The following SLC24A3 variants were observed in gnomAD, a reference collection of about 807,000 sequenced individuals.
SLC24A3 encodes solute carrier family 24 member 3.
SLC24A3 carries 28 observed loss-of-function variants against 75.8 expected under a neutral mutation model. That is an observed-to-expected ratio of 0.37 (90% CI 0.27 to 0.51). SLC24A3 has a LOEUF of 0.51. SLC24A3 is among the 20% of genes least tolerant of loss of function. The pLI is 0.94. For synonymous variants in SLC24A3, 372 were observed against 334.1 expected (o/e 1.11, Z -1.24); for missense variants, 663 against 847.8 (o/e 0.78, Z 2.71).
At chr20:19,669,726 G>C (rs550439478) in intron 8 of SLC24A3, among the ~76,000 whole-genome samples, 11 of 152,142 alleles carry the variant, frequency 7.2e-5, no homozygotes, top group Admixed American at 4.6e-4. Flanking sequence ...ATTGCAACCT[G>C]GAAACTCTTC....
At position 19,433,113 on chromosome 20, in the gene SLC24A3, A is replaced by T. The variant is rs146896567; in HGVS notation, c.272-82375A>T. The stretch of plus-strand genomic sequence containing the variant: ...GCTCTCTCTCTAGGAAGTTCTCCTC[A>T]CTCAGGATTTAATGGAACATGCCCT... On this transcript the variant is annotated intron_variant, in intron 2 of 16. Transcript: ENST00000328041. 5.1e-4 allele frequency among the ~76,000 whole-genome samples: 78 copies of T among 152,300 alleles called. 2 individuals carry two copies. The highest frequency in any genetic ancestry group is 1.8e-3 in the African/African-American group (73 of 41,560).
At chr20:19,565,656 G>A (rs76901569) in intron 3 of SLC24A3, among the ~76,000 whole-genome samples, 4,991 of 152,068 alleles carry the variant, frequency 0.033, 132 homozygotes, top group South Asian at 0.09. Flanking sequence ...CCAAGACCTC[G>A]GAGCCTTTTT....
At chr20:19,440,183 C>A (rs1242372737) in intron 2 of SLC24A3, among the ~76,000 whole-genome samples, 1 of 152,174 alleles carries the variant, frequency 6.6e-6, no homozygotes, top group African/African-American at 2.4e-5. Context: ...TCAGAGATAT[C>A]CAATGTAAAT....
At chr20:19,572,095 A>G (rs1031403623) in intron 3 of SLC24A3, among the ~76,000 whole-genome samples, 1 of 152,196 alleles carries the variant, frequency 6.6e-6, no homozygotes, top group African/African-American at 2.4e-5. Context: ...CCAGCAACTC[A>G]GAAGGCTGAG....
chr20:19,543,801 C>A (rs1342394867), intron 3 of SLC24A3, among the ~76,000 whole-genome samples: 1 of 152,158 alleles, frequency 6.6e-6, no homozygotes, highest in Admixed American at 6.5e-5. Context: ...AAAAGGATAG[C>A]AAAACTCTGA....
At chr20:19,303,532 T>C (rs1984248675) in intron 2 of SLC24A3, among the ~76,000 whole-genome samples, 1 of 152,230 alleles carries the variant, frequency 6.6e-6, no homozygotes, top group Admixed American at 6.5e-5. Flanking sequence ...TACCCAATAA[T>C]GGGATCGCTG....
At chr20:19,714,623 A>T (rs1665666244) in intron 15 of SLC24A3, among the ~76,000 whole-genome samples, 1 of 152,116 alleles carries the variant, frequency 6.6e-6, no homozygotes, top group African/African-American at 2.4e-5. Flanking sequence ...CAATGAAAAC[A>T]CAAAAATACA....
rs1420931478 is a variant in SLC24A3, at chr20:19,526,775, A to T, written c.348+11211A>T. ...ACTACCTAAAGTAAGAGTATAAGTT[A>T]TTTTCCTTCTGTCTATCTTGATTTT... On this transcript the variant is annotated intron_variant, in intron 3 of 16. Coordinates refer to ENST00000328041, the MANE Select transcript of SLC24A3 (RefSeq NM_020689.4). Among the ~76,000 whole-genome samples, 3 of 152,090 alleles carry T rather than the reference A, an allele frequency of 2.0e-5. No homozygotes were observed. The East Asian group carries it at 5.8e-4, about 29-fold the overall frequency.
At chr20:19,215,298 G>T (rs1981523902) in intron 1 of SLC24A3, among the ~76,000 whole-genome samples, 1 of 152,164 alleles carries the variant, frequency 6.6e-6, no homozygotes, top group Non-Finnish European at 1.5e-5. Context: ...ACCTTGTGGT[G>T]TAGAGAGGCT....
chr20:19,468,972 G>T (rs376346480), intron 2 of SLC24A3, among the ~76,000 whole-genome samples: 1 of 152,196 alleles, frequency 6.6e-6, no homozygotes, highest in Non-Finnish European at 1.5e-5. Flanking sequence ...AGAGTGAATG[G>T]CCTGGACAGA....
At chr20:19,227,575 A>G (rs540744771) in intron 1 of SLC24A3, among the ~76,000 whole-genome samples, 76 of 152,276 alleles carry the variant, frequency 5.0e-4, no homozygotes, top group Middle Eastern at 3.4e-3. Context: ...TTATTTTAGC[A>G]TAAGATTAAA....
intron 3 of SLC24A3, among the ~76,000 whole-genome samples, chr20:19,548,695 C>T (rs1340352147): frequency 6.6e-6 from 1 of 152,178 alleles, no homozygotes; most frequent in Non-Finnish European, 1.5e-5. Context: ...TTTGAGGACT[C>T]CCCTGACTAG....
chr20:19,432,271 T>C (rs1348242904), intron 2 of SLC24A3, among the ~76,000 whole-genome samples: 1 of 103,524 alleles, frequency 9.7e-6, no homozygotes, highest in Non-Finnish European at 1.8e-5. Flanking sequence ...ATATATCTGT[T>C]TTATATATAT....
intron 1 of SLC24A3, among the ~76,000 whole-genome samples, chr20:19,275,392 TTCC>T (rs1983453728): frequency 6.6e-6 from 1 of 152,214 alleles, no homozygotes; most frequent in Admixed American, 6.5e-5. Flanking sequence ...TGCAGCAAAC[TTCC>T]TCATCTGCTG....
chr20:19,572,171 C>A (rs2031062622), intron 3 of SLC24A3, among the ~76,000 whole-genome samples: 1 of 152,052 alleles, frequency 6.6e-6, no homozygotes, highest in Admixed American at 6.5e-5. Flanking sequence ...GAGCCCCCTC[C>A]CCCTCTAAAA....
intron 3 of SLC24A3, among the ~76,000 whole-genome samples, chr20:19,562,872 G>A (rs771913352): frequency 6.6e-6 from 1 of 152,072 alleles, no homozygotes; most frequent in Non-Finnish European, 1.5e-5. Context: ...ACATCCTATG[G>A]GATTAGGTCA....
intron 2 of SLC24A3, among the ~76,000 whole-genome samples, chr20:19,432,962 G>C (rs1230821061): frequency 6.6e-6 from 1 of 152,140 alleles, no homozygotes; most frequent in African/African-American, 2.4e-5. Flanking sequence ...CATCGCCAAG[G>C]TCTGATTGCA....
chr20:19,451,858 TG>T lies in SLC24A3; in HGVS notation c.272-63628del, dbSNP rs1278224656. Among the ~76,000 whole-genome samples, 10 of 152,304 alleles carry T rather than the reference TG, an allele frequency of 6.6e-5. 1 individual carries two copies. Among genetic ancestry groups the T allele is most frequent in the African/African-American group, 2.2e-4 (9 of 41,578 alleles). On this transcript the variant is annotated intron_variant, in intron 2 of 16. Coordinates refer to ENST00000328041, the MANE Select transcript of SLC24A3 (RefSeq NM_020689.4). ...CCAGGCCATCCAAAGGGAATCAACT[TG>T]GTCTCTGTTTTTTTCCCCTAGCAGT... is the stretch of plus-strand genomic sequence containing the variant.
At chr20:19,413,461 T>C (rs1348556946) in intron 2 of SLC24A3, among the ~76,000 whole-genome samples, 4 of 152,166 alleles carry the variant, frequency 2.6e-5, no homozygotes, top group Middle Eastern at 3.2e-3. Context: ...AAGCAAGGAT[T>C]ACTGTTTCAG....
Sources: allele counts gnomAD v4.1 joint callset (sites outside exome capture counted in the v4.1 genomes callset), GRCh38; gene constraint gnomAD v4.1.1; transcripts MANE v1.5; gene names NCBI Gene and HGNC (gene_info 2026-07-23, HGNC 2026-07-21).